The following PRKG1 variants were observed in gnomAD, a reference collection of about 807,000 sequenced individuals.
PRKG1 encodes the protein cGMP-dependent protein kinase 1.
A neutral mutation model predicts 88.1 loss-of-function variants in PRKG1; 35 were observed. The observed-to-expected ratio is 0.40, with a 90% CI of 0.30 to 0.53. The LOEUF (loss-of-function observed/expected upper bound fraction) is 0.53. PRKG1 is among the 20% of genes least tolerant of loss of function. The pLI, the probability that PRKG1 is intolerant of heterozygous loss-of-function variation, is 0.59. For missense variants in PRKG1, 540 were observed against 839.8 expected (o/e 0.64, Z 4.41); for synonymous variants, 303 against 292.5 (o/e 1.04, Z -0.37).
intron 5 of PRKG1, among the ~76,000 whole-genome samples, chr10:52,001,191 A>G (rs2133149345): frequency 6.6e-6 from 1 of 152,012 alleles, no homozygotes. Flanking sequence ...CTTCTTTTTC[A>G]AGACTGGATA....
intron 7 of PRKG1, among the ~76,000 whole-genome samples, chr10:52,115,012 A>G (rs1343164765): frequency 1.3e-5 from 2 of 152,132 alleles, no homozygotes; most frequent in African/African-American, 4.8e-5. Flanking sequence ...TCATGGGTGT[A>G]TCGAATAGAA....
intron 4 of PRKG1, among the ~76,000 whole-genome samples, chr10:51,839,189 A>C (rs1224539880): frequency 6.6e-6 from 1 of 152,204 alleles, no homozygotes; most frequent in Non-Finnish European, 1.5e-5. Context: ...TTTCAGAATT[A>C]AAATGATTTT....
intron 7 of PRKG1, among the ~76,000 whole-genome samples, chr10:52,091,774 T>C (rs984190464): frequency 5.3e-5 from 8 of 152,202 alleles, no homozygotes; most frequent in African/African-American, 1.7e-4. Context: ...GGTGTCCTCA[T>C]TGTGAAATCA....
chr10:51,027,416 T>C lies in PRKG1; in HGVS notation c.266+35772T>C, dbSNP rs539071847. Reference sequence around the variant, plus strand: ...TTTATCTAGCTCACCTAAAGGCTATTGGGCAGTTTTTGGAATAAGTTGTTG... The same window carrying C: ...TTTATCTAGCTCACCTAAAGGCTATCGGGCAGTTTTTGGAATAAGTTGTTG... On this transcript the variant is annotated intron_variant, in intron 1 of 17. Transcript: ENST00000401604. Among the ~76,000 whole-genome samples, 14 of 152,324 alleles carry C rather than the reference T, an allele frequency of 9.2e-5. 1 individual carries two copies. The South Asian group carries it at 2.9e-3, about 32-fold the overall frequency.
chr10:52,138,749 T>A (rs980384303), intron 8 of PRKG1, among the ~76,000 whole-genome samples: 2 of 152,110 alleles, frequency 1.3e-5, no homozygotes, highest in Non-Finnish European at 2.9e-5. Context: ...ATGTCAAGCA[T>A]GAGATTGTAG....
intron 4 of PRKG1, among the ~76,000 whole-genome samples, chr10:51,882,601 G>C (rs1448603031): frequency 6.6e-6 from 1 of 152,300 alleles, no homozygotes; most frequent in Non-Finnish European, 1.5e-5. Flanking sequence ...ACATAGAGGA[G>C]GGAATTTGTA....
chr10:51,354,810 G>T (rs1164630862), intron 2 of PRKG1, among the ~76,000 whole-genome samples: 2 of 152,028 alleles, frequency 1.3e-5, no homozygotes, highest in Non-Finnish European at 2.9e-5. Flanking sequence ...GGCTTGGGGT[G>T]GGGGAGATAA....
chr10:51,671,572 T>TTCTC (rs775680768), intron 3 of PRKG1, among the ~76,000 whole-genome samples: 3 of 150,988 alleles, frequency 2.0e-5, no homozygotes, highest in African/African-American at 4.9e-5. Context: ...GTGCCTCTTC[T>TTCTC]TCTCTCTCTC....
At chr10:51,658,538 C>A (rs546400890) in intron 3 of PRKG1, among the ~76,000 whole-genome samples, 4 of 151,242 alleles carry the variant, frequency 2.6e-5, no homozygotes, top group Non-Finnish European at 5.9e-5. Flanking sequence ...ACCTGGCCTA[C>A]GTCAAGGCTA....
chr10:51,910,007 TG>T (rs1220727307), intron 5 of PRKG1: 1 of 152,216 alleles, frequency 6.6e-6, no homozygotes, highest in Non-Finnish European at 1.5e-5. Flanking sequence ...CACATGCAGG[TG>T]GGTGGATTGA....
chr10:51,602,063 A>G (rs1838621457), intron 3 of PRKG1, among the ~76,000 whole-genome samples: 1 of 152,088 alleles, frequency 6.6e-6, no homozygotes, highest in Non-Finnish European at 1.5e-5. Flanking sequence ...TTGGAATTAC[A>G]TTCAACACAT....
intron 4 of PRKG1, among the ~76,000 whole-genome samples, chr10:51,851,147 C>A (rs1263011035): frequency 6.6e-6 from 1 of 151,914 alleles, no homozygotes; most frequent in Non-Finnish European, 1.5e-5. Flanking sequence ...GAAAAGGTAG[C>A]AAAAGGTAAT....
chr10:51,349,972 C>A (rs1461559132), intron 2 of PRKG1, among the ~76,000 whole-genome samples: 1 of 152,074 alleles, frequency 6.6e-6, no homozygotes, highest in Non-Finnish European at 1.5e-5. Flanking sequence ...TGCACTCAGA[C>A]AAATTTAATT....
chr10:51,634,447 G>C (rs569807329), intron 3 of PRKG1, among the ~76,000 whole-genome samples: 31 of 152,192 alleles, frequency 2.0e-4, no homozygotes, highest in African/African-American at 7.5e-4. Context: ...GAGCCATTCA[G>C]GTTTAGACCA....
At chr10:52,230,047 C>T (rs1473687305) in intron 9 of PRKG1, among the ~76,000 whole-genome samples, 1 of 152,032 alleles carries the variant, frequency 6.6e-6, no homozygotes, top group Non-Finnish European at 1.5e-5. Flanking sequence ...CAATATACAG[C>T]AAAGTACAAA....
intron 3 of PRKG1, among the ~76,000 whole-genome samples, chr10:51,694,524 T>C (rs1841233024): frequency 6.6e-6 from 1 of 152,176 alleles, no homozygotes; most frequent in South Asian, 2.1e-4. Flanking sequence ...TTAAAACATA[T>C]TTTTGGTATT....
intron 3 of PRKG1, among the ~76,000 whole-genome samples, chr10:51,570,049 G>GTATATATATATA (rs10617123): frequency 1.6e-5 from 2 of 128,842 alleles, no homozygotes; most frequent in African/African-American, 6.9e-5. Context: ...ACCCAAACTA[G>GTATATATATATA]TATATATATA....
At position 51,167,393 on chromosome 10, in the gene PRKG1, G is replaced by A. The variant is rs1846577028; in HGVS notation, c.478+14063G>A. 2.0e-5 allele frequency among the ~76,000 whole-genome samples: 3 copies of A among 152,192 alleles called. No individual in the cohort carries two copies. The South Asian group carries it at 6.2e-4, about 32-fold the overall frequency. ...GAGACAGAAAACATGAGGCCAGGTT[G>A]GAATGGTTGGTAGAGGCAATGTCAT... On this transcript the variant is annotated intron_variant, in intron 2 of 17. Coordinates refer to ENST00000373980, the MANE Select transcript of PRKG1 (RefSeq NM_006258.4).
upstream of PRKG1, among the ~76,000 whole-genome samples, chr10:51,070,258 C>T (rs1311469487): frequency 2.6e-5 from 4 of 152,092 alleles, no homozygotes; most frequent in Non-Finnish European, 2.9e-5. Flanking sequence ...TAATATTGAA[C>T]TTATAGGGTT....
Sources: allele counts gnomAD v4.1 joint callset (sites outside exome capture counted in the v4.1 genomes callset), GRCh38; gene constraint gnomAD v4.1.1; transcripts MANE v1.5; gene names NCBI Gene and HGNC (gene_info 2026-07-23, HGNC 2026-07-21).